Variants in C3orf22 observed in about 807,000 individuals in gnomAD.
The protein encoded by C3orf22 is chromosome 3 open reading frame 22, also known as uncharacterized protein C3orf22.
In C3orf22, 7 loss-of-function variants were observed where a neutral mutation model predicts 10.8. The ratio of observed to expected loss-of-function variants is 0.65; its 90% confidence interval spans 0.37 to 1.22. The LOEUF (loss-of-function observed/expected upper bound fraction) is 1.22, where lower values mean the gene tolerates loss of function less well. Among genes scored for constraint, C3orf22 ranks in the 50% most tolerant of loss-of-function variants. The pLI, the probability that C3orf22 is intolerant of heterozygous loss-of-function variation, is 0.02. For missense variants in C3orf22, 173 were observed against 177.0 expected (o/e 0.98, Z 0.13); for synonymous variants, 79 against 78.9 (o/e 1.00, Z 0.00).
intron 4 of C3orf22, among the ~76,000 whole-genome samples, chr3:126,536,543 A>T (rs911633726): frequency 1.4e-4 from 22 of 152,116 alleles, no homozygotes; most frequent in Admixed American, 1.3e-4. Context: ...AGAGACCTGG[A>T]GTCTCTACCC....
chr3:126,532,555 C>T (rs1936680537), intron 4 of C3orf22, among the ~76,000 whole-genome samples: 1 of 152,174 alleles, frequency 6.6e-6, no homozygotes, highest in Admixed American at 6.5e-5. Context: ...GTCTTGGCTC[C>T]CTCATCAATA....
At chr3:126,541,668 C>T (rs923874023) in intron 4 of C3orf22, 1 of 1,351,866 alleles carries the variant, frequency 7.4e-7, no homozygotes, top group Non-Finnish European at 9.6e-7. Flanking sequence ...GCCGGGGCAG[C>T]GCCAGAGTCA....
chr3:126,543,759 T>C (rs919520698), intron 4 of C3orf22, among the ~76,000 whole-genome samples: 1 of 152,120 alleles, frequency 6.6e-6, no homozygotes, highest in Non-Finnish European at 1.5e-5. Context: ...TGTATGTGTA[T>C]GTGTGAATGT....
At chr3:126,551,373 TC>T in intron 3 of C3orf22, among the ~76,000 whole-genome samples, 1 of 152,278 alleles carries the variant, frequency 6.6e-6, no homozygotes, top group South Asian at 2.1e-4. Context: ...ACACAGCTGT[TC>T]CCCGTGCCGT....
At chr3:126,557,828 C>G (rs538685806) in intron 1 of C3orf22, among the ~76,000 whole-genome samples, 17 of 152,332 alleles carry the variant, frequency 1.1e-4, no homozygotes, top group Admixed American at 3.3e-4. Flanking sequence ...ACTGACTTGC[C>G]CACTAGTCTA....
chr3:126,549,894 C>G lies in C3orf22; in HGVS notation c.400G>C (p.Ala134Pro), dbSNP rs760806513. The G allele has an allele frequency of 5.0e-6, 8 of 1,613,572 alleles. No individual in the cohort carries two copies. Among genetic ancestry groups the G allele is most frequent in the Non-Finnish European group, 6.8e-6 (8 of 1,179,812 alleles). Residue 134 changes from alanine to proline, a missense_variant, in exon 4 of 4, where the codon GCA becomes CCA. Ala to Pro is a conservative substitution (Grantham distance 27). Coordinates refer to ENST00000318225, the MANE Select transcript of C3orf22 (RefSeq NM_152533.3). ...EAACPQTSKA[A>P]GLSRGLS The stretch of plus-strand genomic sequence containing the variant: ...TAGGAGAGGCCCCTGGACAGCCCTG[C>G]CGCCTTGCTGGTCTGGGGGCAGGCA...
chr3:126,541,970 G>A lies in C3orf22; in HGVS notation c.286+7567C>T, dbSNP rs749955300. On this transcript the variant is annotated intron_variant and NMD_transcript_variant, in intron 4 of 5. Transcript: ENST00000505070. ...CCGCGGCGACCCGCGCGCCATCTCC[G>A]CGCAAGAGGCGCACGCGCCTGGCCG... 8 of 1,577,744 alleles carry A rather than the reference G, an allele frequency of 5.1e-6. No homozygotes were observed. In the East Asian group the frequency reaches 1.6e-4, roughly 32 times the overall value.
intron 4 of C3orf22, among the ~76,000 whole-genome samples, chr3:126,534,201 T>C (rs1410551542): frequency 2.6e-5 from 4 of 152,232 alleles, no homozygotes; most frequent in Non-Finnish European, 4.4e-5. Context: ...ATATGCATAA[T>C]CATATTTCTG....
At chr3:126,551,917 T>C (rs756761028) in intron 3 of C3orf22, 80 bp downstream of exon 3, 1 of 1,478,768 alleles carries the variant, frequency 6.8e-7, no homozygotes, top group Non-Finnish European at 9.1e-7. Flanking sequence ...CATGAACGTC[T>C]GCATGCAAAA....
At chr3:126,554,462 C>T (rs1937279862) in intron 1 of C3orf22, among the ~76,000 whole-genome samples, 1 of 152,100 alleles carries the variant, frequency 6.6e-6, no homozygotes, top group South Asian at 2.1e-4. Context: ...CGGGGTTTCA[C>T]CATGTTGGCC....
At position 126,539,687 on chromosome 3, in the gene C3orf22, ACCACACACACACCACACACATATG is replaced by A. The variant is rs1341885751; in HGVS notation, c.286+9826_286+9849del. On this transcript the variant is annotated intron_variant and NMD_transcript_variant, in intron 4 of 5. Coordinates refer to the C3orf22 transcript ENST00000505070. ...TACACACAGCACATACACCACAGACACCACACACACACCACACACATATGCCACACACACCCCCCACACCACACA... is the reference window on the plus strand; with the variant it reads ...TACACACAGCACATACACCACAGACACCACACACACCCCCCACACCACACA... Among the ~76,000 whole-genome samples the A allele has an allele frequency of 4.4e-5, 5 of 114,862 alleles. No homozygotes were observed. The East Asian group carries it at 1.4e-3, about 32-fold the overall frequency. The allele number at this position is 114,862 out of a possible 152,430, so 75.4% of individuals were successfully genotyped here.
intron 4 of C3orf22, chr3:126,536,383 G>GC (rs1936791637): frequency 7.7e-6 from 12 of 1,561,354 alleles, no homozygotes; most frequent in Non-Finnish European, 1.1e-5. Flanking sequence ...ACCCAGGCAT[G>GC]CCCCCCTCCA....
intron 4 of C3orf22, chr3:126,542,864 G>C (rs777053857): frequency 2.2e-5 from 7 of 325,012 alleles, no homozygotes; most frequent in Non-Finnish European, 3.9e-5. Flanking sequence ...GCAAGGACTT[G>C]ATAACCAGGG....
chr3:126,545,896 C>T (rs1937060085), downstream of C3orf22, among the ~76,000 whole-genome samples: 1 of 152,248 alleles, frequency 6.6e-6, no homozygotes, highest in Admixed American at 6.5e-5. Context: ...CAGGACCCTT[C>T]TCTTTTGTTG....
chr3:126,543,731 TGTGTGAGA>T (rs1037098809), intron 4 of C3orf22, among the ~76,000 whole-genome samples: 14 of 140,376 alleles, frequency 1.0e-4, no homozygotes, highest in African/African-American at 3.7e-4. Flanking sequence ...TGTGCATGAG[TGTGTGAGA>T]GGAATTGTGT....
Position 126,556,790 on chromosome 3 carries a change from C to T in C3orf22, c.-41+1837G>A, listed in dbSNP as rs1937345994. 5.4e-5 allele frequency among the ~76,000 whole-genome samples: 5 copies of T among 92,726 alleles called. 1 individual carries two copies. In the South Asian group the frequency reaches 2.2e-3, roughly 41 times the overall value. 60.8% of individuals were successfully genotyped at this position (92,726 alleles called of 152,430 possible). A position where few individuals can be genotyped will look rare whatever the true frequency, so the allele number is the denominator to read the frequency against. On this transcript the variant is annotated intron_variant, in intron 1 of 3. Transcript: ENST00000318225. ...ACACAGACTCACACACTCAGACTCA[C>T]ACACACTCAGGCTCACCCACACACA...
downstream of C3orf22, among the ~76,000 whole-genome samples, chr3:126,545,316 C>T (rs567616739): frequency 2.8e-4 from 43 of 152,366 alleles, no homozygotes; most frequent in South Asian, 1.0e-3. Flanking sequence ...TGGCAGGACA[C>T]CTCCCAGGAT....
At chr3:126,557,942 GGCCTAA>G (rs1192166648) in intron 1 of C3orf22, among the ~76,000 whole-genome samples, 2 of 144,532 alleles carry the variant, frequency 1.4e-5, no homozygotes, top group African/African-American at 5.1e-5. Context: ...GCCTTCGCTG[GGCCTAA>G]GCCCACAGTC....
intron 4 of C3orf22, chr3:126,542,530 C>T (rs777225443): frequency 6.5e-7 from 1 of 1,537,700 alleles, no homozygotes; most frequent in Admixed American, 2.2e-5. Context: ...ACAAGATGGA[C>T]TTCCTGCTTT....
Sources: allele counts gnomAD v4.1 joint callset (sites outside exome capture counted in the v4.1 genomes callset), GRCh38; gene constraint gnomAD v4.1.1; transcripts MANE v1.5; gene names NCBI Gene and HGNC (gene_info 2026-07-23, HGNC 2026-07-21).